The following SEPTIN11 variants were observed in gnomAD, a reference collection of about 807,000 sequenced individuals.
SEPTIN11 encodes septin-11.
Under a neutral mutation model 51.4 loss-of-function variants are expected in SEPTIN11, and 25 were observed. The ratio of observed to expected loss-of-function variants is 0.49; its 90% CI spans 0.35 to 0.68. The LOEUF (loss-of-function observed/expected upper bound fraction) is 0.68. Among genes scored for constraint, SEPTIN11 ranks in the 30% least tolerant of loss-of-function variants. The pLI, the probability that SEPTIN11 is intolerant of heterozygous loss-of-function variation, is 0.00. For missense variants in SEPTIN11, 381 were observed against 520.8 expected (o/e 0.73, Z 2.61); for synonymous variants, 174 against 184.1 (o/e 0.95, Z 0.44).
At chr4:77,005,496 CT>C (rs371242599) in intron 2 of SEPTIN11, 104 bp from the exon 3 acceptor site, 1 of 1,039,328 alleles carries the variant, frequency 9.6e-7, no homozygotes. Context: ...GACAGTTTTT[CT>C]TTTTTAAACT....
intron 1 of SEPTIN11, chr4:76,958,778 A>G (rs1721673275): frequency 4.8e-6 from 4 of 840,940 alleles, no homozygotes; most frequent in Non-Finnish European, 7.5e-6. Context: ...TATAATCTTC[A>G]TACTTTATGT....
chr4:76,977,659 T>C (rs1467008505), intron 1 of SEPTIN11, among the ~76,000 whole-genome samples: 2 of 152,084 alleles, frequency 1.3e-5, no homozygotes, highest in Non-Finnish European at 2.9e-5. Context: ...GTAATGAGCA[T>C]TTTTAGCCTT....
At chr4:77,015,678 G>A (rs1725171579) in intron 5 of SEPTIN11, among the ~76,000 whole-genome samples, 1 of 152,180 alleles carries the variant, frequency 6.6e-6, no homozygotes, top group Non-Finnish European at 1.5e-5. Context: ...CTTTGGGAAT[G>A]CATAACATCC....
intron 1 of SEPTIN11, among the ~76,000 whole-genome samples, chr4:76,993,644 C>T (rs1388647338): frequency 6.6e-6 from 1 of 152,122 alleles, no homozygotes; most frequent in Non-Finnish European, 1.5e-5. Flanking sequence ...CTTCTTTTTC[C>T]CTTTCCCCCA....
chr4:76,996,418 A>G lies in SEPTIN11; in HGVS notation c.28-7A>G. On this transcript the variant is annotated splice_region_variant and splice_polypyrimidine_tract_variant and intron_variant, in intron 1 of 9. Coordinates refer to ENST00000264893, the MANE Select transcript of SEPTIN11 (RefSeq NM_018243.4). ...GACACTCAAATCTTTCTCCCCTGAAATTGCAGAATGAAGAGCTTCGAAACT... is the reference window on the plus strand; with the variant it reads ...GACACTCAAATCTTTCTCCCCTGAAGTTGCAGAATGAAGAGCTTCGAAACT... 6.2e-7 allele frequency: 1 copy of G among 1,607,066 alleles called. No homozygotes were observed. The highest frequency in any genetic ancestry group is 8.5e-7 in the Non-Finnish European group (1 of 1,173,582).
In SEPTIN11 at chr4:77,037,127, C is replaced by T. The variant is rs949786483; in HGVS notation, c.*2615C>T. On this transcript the variant is annotated 3_prime_UTR_variant, in exon 10 of 10. Transcript: ENST00000264893. ...CTGTAATCCCAGCACTTTGAGAGGC[C>T]GAGGTGGGCAGATCACTTGAGGCCT... 9.0e-5 allele frequency: 85 copies of T among 943,912 alleles called. No homozygotes were observed. In the African/African-American group the frequency reaches 1.4e-3, roughly 16 times the overall value. The allele number at this position is 943,912 out of a possible 1,614,324, so 58.5% of individuals were successfully genotyped here.
In SEPTIN11 at chr4:77,029,335, A is replaced by AGTGTGTGTGT. The variant is rs71767856; in HGVS notation, c.1086+585_1086+594dup. ...TATAACATTCATCCCATTGTATTTGAGTGTGTGTGTGTGTGTGTGTATGTG... is the reference window on the plus strand; with the variant it reads ...TATAACATTCATCCCATTGTATTTGAGTGTGTGTGTGTGTGTGTGTGTGTGTGTGTATGTG... On this transcript the variant is annotated intron_variant, in intron 8 of 9. Coordinates refer to ENST00000264893, the MANE Select transcript of SEPTIN11 (RefSeq NM_018243.4). Among the ~76,000 whole-genome samples the AGTGTGTGTGT allele has an allele frequency of 3.3e-5, 5 of 149,616 alleles. No individual in the cohort carries two copies. In the South Asian group the frequency reaches 1.1e-3, roughly 32 times the overall value.
Position 76,959,149 on chromosome 4 carries a change from G to C in SEPTIN11, c.27+9219G>C, listed in dbSNP as rs1721699866. ...CCAAGGCTTCCTGAAAAGCAACCTT[G>C]CTCTTGATCGTTTTACCATTCTTGG... On this transcript the variant is annotated intron_variant, in intron 1 of 9. Transcript: ENST00000264893. 5.6e-6 allele frequency: 3 copies of C among 532,802 alleles called. No homozygotes were observed. The Admixed American group carries it at 7.2e-5, about 13-fold the overall frequency. The allele number at this position is 532,802 out of a possible 1,614,324, so 33.0% of individuals were successfully genotyped here.
intron 1 of SEPTIN11, among the ~76,000 whole-genome samples, chr4:76,987,635 T>C (rs941070923): frequency 1.3e-5 from 2 of 152,170 alleles, no homozygotes; most frequent in Non-Finnish European, 2.9e-5. Context: ...CTTTCTAGAA[T>C]GCAGTCAGAT....
chr4:76,976,115 ATGT>A (rs1192263504), intron 1 of SEPTIN11, among the ~76,000 whole-genome samples: 8 of 152,204 alleles, frequency 5.3e-5, no homozygotes, highest in Admixed American at 3.9e-4. Flanking sequence ...TGGTAAGGAC[ATGT>A]TGTAAAAGAT....
Position 76,980,244 on chromosome 4 carries a change from G to A in SEPTIN11, c.28-16181G>A, listed in dbSNP as rs78548857. On this transcript the variant is annotated intron_variant, in intron 1 of 9. Transcript: ENST00000264893. The stretch of plus-strand genomic sequence containing the variant: ...CCTTGATCCCAGAATATGAGGTGAA[G>A]TATGAGGTACATTTATTGGTGCTCT... Among the ~76,000 whole-genome samples, 455 of 152,292 alleles carry A rather than the reference G, an allele frequency of 3.0e-3. 2 individuals carry two copies. Among genetic ancestry groups the A allele is most frequent in the African/African-American group, 0.01 (424 of 41,546 alleles).
chr4:77,000,827 G>A (rs1263610050), intron 2 of SEPTIN11, among the ~76,000 whole-genome samples: 2 of 152,140 alleles, frequency 1.3e-5, no homozygotes, highest in African/African-American at 4.8e-5. Flanking sequence ...TTCATCAAAG[G>A]TGATTCTATG....
intron 3 of SEPTIN11, among the ~76,000 whole-genome samples, chr4:77,009,605 C>G (rs1380884616): frequency 2.0e-5 from 3 of 152,132 alleles, no homozygotes; most frequent in Non-Finnish European, 2.9e-5. Context: ...GAAAGCATTC[C>G]TCACTGCAAA....
intron 1 of SEPTIN11, among the ~76,000 whole-genome samples, chr4:76,960,678 T>C (rs1218546433): frequency 1.3e-5 from 2 of 152,210 alleles, no homozygotes; most frequent in Admixed American, 6.5e-5. Context: ...ATCTCCTCTT[T>C]CTTGAAAAAC....
intron 1 of SEPTIN11, among the ~76,000 whole-genome samples, chr4:76,963,444 A>G (rs1257574734): frequency 6.6e-6 from 1 of 152,208 alleles, no homozygotes; most frequent in Non-Finnish European, 1.5e-5. Context: ...TGCCCAAGGT[A>G]AACAGTGATG....
intron 2 of SEPTIN11, among the ~76,000 whole-genome samples, chr4:77,004,982 C>T (rs548577489): frequency 6.6e-6 from 1 of 152,064 alleles, no homozygotes; most frequent in Non-Finnish European, 1.5e-5. Context: ...TAAATAAATA[C>T]ATATATACAT....
intron 1 of SEPTIN11, among the ~76,000 whole-genome samples, chr4:76,986,528 G>C (rs1205977839): frequency 6.6e-6 from 1 of 152,184 alleles, no homozygotes; most frequent in Non-Finnish European, 1.5e-5. Context: ...CCCTGTGAGA[G>C]AATGTGTCTT....
intron 4 of SEPTIN11, 122 bp downstream of exon 4, chr4:77,012,043 G>C: frequency 1.5e-6 from 1 of 682,394 alleles, no homozygotes; most frequent in African/African-American, 1.9e-5. Flanking sequence ...AACAGTGTTT[G>C]ACAGCATGAG....
intron 4 of SEPTIN11, among the ~76,000 whole-genome samples, chr4:77,014,131 C>A (rs1468800825): frequency 6.6e-6 from 1 of 152,112 alleles, no homozygotes; most frequent in Admixed American, 6.5e-5. Context: ...TGAAAGTGAG[C>A]CTTGCCTTTG....
Sources: allele counts gnomAD v4.1 joint callset (sites outside exome capture counted in the v4.1 genomes callset), GRCh38; gene constraint gnomAD v4.1.1; transcripts MANE v1.5; gene names NCBI Gene and HGNC (gene_info 2026-07-23, HGNC 2026-07-21).